SEMA3A: variants seen among roughly 807,000 people sequenced by gnomAD.
The protein encoded by SEMA3A is semaphorin-3A.
In SEMA3A, 29 loss-of-function variants were observed where a neutral mutation model predicts 97.9. The observed-to-expected ratio is 0.30, with a 90% CI of 0.22 to 0.40. The LOEUF is 0.40. SEMA3A is among the 10% of genes least tolerant of loss of function. The probability of loss-of-function intolerance (pLI) is 1.00; values close to 1 mark genes in which losing one functional copy is unlikely to be tolerated. For synonymous variants in SEMA3A, 321 were observed against 323.7 expected (o/e 0.99, Z 0.09); for missense variants, 763 against 951.3 (o/e 0.80, Z 2.60).
At chr7:84,246,409 G>T (rs1489033123) in intron 3 of SEMA3A, among the ~76,000 whole-genome samples, 1 of 151,978 alleles carries the variant, frequency 6.6e-6, no homozygotes, top group East Asian at 1.9e-4. Context: ...AAAATAAAAT[G>T]AAATATAAAC....
At chr7:84,171,178 C>T (rs913307618) in intron 1 of SEMA3A, among the ~76,000 whole-genome samples, 1 of 152,076 alleles carries the variant, frequency 6.6e-6, no homozygotes, top group Admixed American at 6.6e-5. Flanking sequence ...ACACATACTG[C>T]TTATTTCTGA....
intron 1 of SEMA3A, among the ~76,000 whole-genome samples, chr7:84,409,489 CT>C (rs1314766355): frequency 3.9e-5 from 6 of 151,952 alleles, no homozygotes; most frequent in Non-Finnish European, 8.8e-5. Flanking sequence ...CATTTTACAA[CT>C]GCCCTAATGT....
intron 2 of SEMA3A, among the ~76,000 whole-genome samples, chr7:84,348,967 G>C (rs1202340761): frequency 6.6e-6 from 1 of 152,066 alleles, no homozygotes; most frequent in Non-Finnish European, 1.5e-5. Flanking sequence ...CTGGGCAAGG[G>C]AGTGAGACTC....
At chr7:84,348,534 G>C (rs140745669) in intron 2 of SEMA3A, among the ~76,000 whole-genome samples, 1 of 152,114 alleles carries the variant, frequency 6.6e-6, no homozygotes, top group Non-Finnish European at 1.5e-5. Flanking sequence ...ACAGTGTTGG[G>C]TAAAAGCCAG....
In SEMA3A at chr7:84,026,096, G is replaced by A. The variant is rs534072076; in HGVS notation, c.668-11745C>T. 1.1e-4 allele frequency among the ~76,000 whole-genome samples: 16 copies of A among 152,272 alleles called. 1 individual carries two copies. The South Asian group carries it at 2.5e-3, about 24-fold the overall frequency. ...TGGTCATAACCAAAAGCAACGGTTC[G>A]TAGTTTTCCTCAAAAAGGCAAATGA... On this transcript the variant is annotated intron_variant, in intron 6 of 16. Transcript: ENST00000265362.
intron 1 of SEMA3A, among the ~76,000 whole-genome samples, chr7:84,422,043 G>T (rs1356418621): frequency 6.6e-6 from 1 of 152,084 alleles, no homozygotes; most frequent in African/African-American, 2.4e-5. Flanking sequence ...AAATGAGTTA[G>T]AGAGGAATCT....
At chr7:84,461,146 G>C (rs1217013603) in intron 1 of SEMA3A, among the ~76,000 whole-genome samples, 4 of 152,044 alleles carry the variant, frequency 2.6e-5, no homozygotes, top group Non-Finnish European at 2.9e-5. Flanking sequence ...CATCCTAAAT[G>C]TCATGTAATA....
chr7:84,441,867 G>A (rs1021026684), intron 1 of SEMA3A, among the ~76,000 whole-genome samples: 5 of 152,242 alleles, frequency 3.3e-5, no homozygotes, highest in African/African-American at 1.2e-4. Context: ...GACACCAGAG[G>A]CAATGGGCTA....
chr7:84,416,506 T>C (rs182121531), intron 1 of SEMA3A, among the ~76,000 whole-genome samples: 1 of 152,244 alleles, frequency 6.6e-6, no homozygotes, highest in Admixed American at 6.6e-5. Flanking sequence ...TACCAAAACA[T>C]ACAATGTCTT....
chr7:84,477,091 TA>T (rs1314937292), intron 1 of SEMA3A, among the ~76,000 whole-genome samples: 21 of 147,732 alleles, frequency 1.4e-4, no homozygotes, highest in Middle Eastern at 3.6e-3. Context: ...TATATATATA[TA>T]TTTTTCAAAA....
chr7:84,221,301 T>C (rs1798875558), intron 3 of SEMA3A, among the ~76,000 whole-genome samples: 1 of 152,118 alleles, frequency 6.6e-6, no homozygotes, highest in Non-Finnish European at 1.5e-5. Flanking sequence ...TGGTTTGATC[T>C]TCCATCCAGA....
intron 2 of SEMA3A, among the ~76,000 whole-genome samples, chr7:84,368,281 A>C (rs1802899162): frequency 6.6e-6 from 1 of 151,192 alleles, no homozygotes; most frequent in African/African-American, 2.4e-5. Flanking sequence ...TTTTTTTATG[A>C]AATTTAATCC....
chr7:84,354,542 A>T (rs1321873542), intron 2 of SEMA3A, among the ~76,000 whole-genome samples: 3 of 151,690 alleles, frequency 2.0e-5, no homozygotes, highest in African/African-American at 7.2e-5. Flanking sequence ...AAAATATGTC[A>T]TTAAATAACA....
chr7:84,378,491 T>G (rs1454051772), intron 1 of SEMA3A, among the ~76,000 whole-genome samples: 1 of 152,040 alleles, frequency 6.6e-6, no homozygotes, highest in Non-Finnish European at 1.5e-5. Flanking sequence ...TTCTCACTCA[T>G]AAGTGGGAGC....
intron 2 of SEMA3A, among the ~76,000 whole-genome samples, chr7:84,354,026 T>C (rs537471378): frequency 2.4e-4 from 37 of 151,778 alleles, no homozygotes; most frequent in African/African-American, 8.2e-4. Context: ...GTAAGCTTAA[T>C]GTACTGAAAA....
chr7:84,191,674 T>G (rs1054972120), intron 1 of SEMA3A, among the ~76,000 whole-genome samples: 19 of 151,906 alleles, frequency 1.3e-4, no homozygotes, highest in Non-Finnish European at 2.9e-5. Flanking sequence ...TTTAGCTATA[T>G]TACATATATT....
At chr7:84,424,633 A>G (rs1804719799) in intron 1 of SEMA3A, among the ~76,000 whole-genome samples, 1 of 89,324 alleles carries the variant, frequency 1.1e-5, no homozygotes, top group Non-Finnish European at 1.9e-5. Context: ...TAATATATAT[A>G]CAATATATAT....
chr7:84,179,994 G>A (rs1220490323), intron 1 of SEMA3A, among the ~76,000 whole-genome samples: 14 of 124,742 alleles, frequency 1.1e-4, no homozygotes, highest in African/African-American at 3.1e-4. Context: ...ACTGAATTTC[G>A]CTCTTGTTGT....
intron 4 of SEMA3A, among the ~76,000 whole-genome samples, chr7:84,096,944 G>A (rs989025664): frequency 6.6e-6 from 1 of 152,050 alleles, no homozygotes; most frequent in East Asian, 1.9e-4. Context: ...ATTTTAAAAT[G>A]TTTCCATATT....
Sources: allele counts gnomAD v4.1 joint callset (sites outside exome capture counted in the v4.1 genomes callset), GRCh38; gene constraint gnomAD v4.1.1; transcripts MANE v1.5; gene names NCBI Gene and HGNC (gene_info 2026-07-23, HGNC 2026-07-21).